The following FBXO34 variants were observed in gnomAD, a reference collection of about 807,000 sequenced individuals.
FBXO34 encodes the protein F-box only protein 34.
Under a neutral mutation model 24.5 loss-of-function variants are expected in FBXO34, and 12 were observed. That is an observed-to-expected ratio of 0.49 (90% CI 0.31 to 0.79). FBXO34 has a LOEUF of 0.79. FBXO34 is among the 30% of genes least tolerant of loss of function. FBXO34 has a pLI of 0.04. For missense variants in FBXO34, 823 were observed against 857.7 expected (o/e 0.96, Z 0.51); for synonymous variants, 320 against 311.9 (o/e 1.03, Z -0.27).
the FBXO34 span, among the ~76,000 whole-genome samples, chr14:55,417,341 G>A: frequency 6.7e-6 from 1 of 149,540 alleles, no homozygotes; most frequent in African/African-American, 2.5e-5. Context: ...CTAAAATATT[G>A]CCATCAAAAG....
chr14:55,390,105 T>C, the FBXO34 span, among the ~76,000 whole-genome samples: 40 of 152,280 alleles, frequency 2.6e-4, no homozygotes, highest in Middle Eastern at 3.4e-3. Context: ...AGTTTTGCTC[T>C]TGTTGCCTAG....
intron 1 of FBXO34, among the ~76,000 whole-genome samples, chr14:55,278,407 A>G (rs1687440821): frequency 6.6e-6 from 1 of 152,160 alleles, no homozygotes; most frequent in African/African-American, 2.4e-5. Flanking sequence ...ATGCAGATGT[A>G]ACAGAAAACC....
chr14:55,290,652 A>G (rs538841743), intron 1 of FBXO34, among the ~76,000 whole-genome samples: 42 of 152,154 alleles, frequency 2.8e-4, no homozygotes, highest in African/African-American at 1.0e-3. Context: ...TTACCCTTTT[A>G]AAGGAAGGTT....
the FBXO34 span, among the ~76,000 whole-genome samples, chr14:55,376,429 T>G: frequency 6.6e-6 from 1 of 152,186 alleles, no homozygotes. Flanking sequence ...CATGAACCAA[T>G]GAATGGGATC....
the FBXO34 span, chr14:55,437,082 G>C: frequency 1.4e-6 from 2 of 1,435,556 alleles, no homozygotes; most frequent in Non-Finnish European, 2.0e-6. Flanking sequence ...TACACAAAAG[G>C]GATGTCACTA....
intron 1 of FBXO34, among the ~76,000 whole-genome samples, chr14:55,307,993 T>G (rs1179407073): frequency 6.6e-6 from 1 of 152,204 alleles, no homozygotes; most frequent in Non-Finnish European, 1.5e-5. Flanking sequence ...GAGGGCAGGT[T>G]TCTCCCATAC....
chr14:55,441,816 C>A, the FBXO34 span, among the ~76,000 whole-genome samples: 1 of 152,088 alleles, frequency 6.6e-6, no homozygotes, highest in African/African-American at 2.4e-5. Context: ...GTCACCCAGG[C>A]TGGAGTGCAG....
At chr14:55,370,998 C>G (rs1884804415), downstream of FBXO34, among the ~76,000 whole-genome samples, 1 of 152,114 alleles carries the variant, frequency 6.6e-6, no homozygotes, top group Admixed American at 6.6e-5. Flanking sequence ...TGCTCCAGGG[C>G]AGCCAGGCTG....
Position 55,350,605 on chromosome 14 carries a change from G to T in FBXO34, c.215G>T (p.Ser72Ile). The change falls in exon 2 of 2, where the codon AGT becomes ATT. Residue 72 changes from serine (S) to isoleucine (I), a missense_variant. Physicochemically the swap from Ser to Ile is moderately radical, Grantham distance 142 (BLOSUM62 -2). Around this residue, in one of 2 missense-constraint regions of FBXO34, gnomAD observed 693 missense variants for 659.1 expected, o/e 1.05. Transcript: ENST00000313833. ...ATCCTTTCTCCAAATGTTCTGTGCAGTATGAGTGGGAAGAGTCCTGTAGAG... is the reference window on the plus strand; with the variant it reads ...ATCCTTTCTCCAAATGTTCTGTGCATTATGAGTGGGAAGAGTCCTGTAGAG... ...FGILSPNVLCSMSGKSPVESS... is the reference protein window; with the variant it reads ...FGILSPNVLCIMSGKSPVESS... 6.2e-7 allele frequency: 1 copy of T among 1,612,874 alleles called. No individual in the cohort carries two copies.
At chr14:55,298,670 C>A in intron 1 of FBXO34, 1 of 1,539,208 alleles carries the variant, frequency 6.5e-7, no homozygotes, top group Non-Finnish European at 8.9e-7. Context: ...GGGGTAAGGC[C>A]GGCAAGGGCG....
chr14:55,277,928 T>C (rs1267106773), intron 1 of FBXO34, among the ~76,000 whole-genome samples: 2 of 152,218 alleles, frequency 1.3e-5, no homozygotes, highest in Non-Finnish European at 2.9e-5. Flanking sequence ...GAGAGAAAGA[T>C]ATGTAAACTT....
At chr14:55,380,741 T>A in the FBXO34 span, 3 of 1,239,920 alleles carry the variant, frequency 2.4e-6, no homozygotes, top group South Asian at 3.9e-5. Context: ...CCAACAAAAC[T>A]ACTAATAATC....
At chr14:55,380,617 C>A in the FBXO34 span, 1 of 1,613,214 alleles carries the variant, frequency 6.2e-7, no homozygotes, top group Non-Finnish European at 8.5e-7. Context: ...GTATATGAGA[C>A]AGAATGTTGA....
chr14:55,344,583 A>G (rs1352736513), intron 1 of FBXO34, among the ~76,000 whole-genome samples: 2 of 148,118 alleles, frequency 1.4e-5, no homozygotes, highest in African/African-American at 2.5e-5. Flanking sequence ...TCTGGGATAC[A>G]TGTGCAGAAT....
At chr14:55,417,659 G>A in the FBXO34 span, among the ~76,000 whole-genome samples, 6 of 152,132 alleles carry the variant, frequency 3.9e-5, no homozygotes, top group South Asian at 1.0e-3. Context: ...TGGGGGTCTC[G>A]CTATGTTGCC....
At chr14:55,399,516 A>G in the FBXO34 span, among the ~76,000 whole-genome samples, 4 of 152,212 alleles carry the variant, frequency 2.6e-5, no homozygotes, top group East Asian at 1.9e-4. Flanking sequence ...GGCATTTACT[A>G]TGTACCTGCA....
chr14:55,349,036 A>G (rs1884252823), intron 1 of FBXO34, among the ~76,000 whole-genome samples: 1 of 152,136 alleles, frequency 6.6e-6, no homozygotes, highest in South Asian at 2.1e-4. Flanking sequence ...CACTCCCACC[A>G]AACTGGGACT....
chr14:55,323,590 C>G (rs1170198571), intron 1 of FBXO34, among the ~76,000 whole-genome samples: 2 of 151,874 alleles, frequency 1.3e-5, no homozygotes, highest in African/African-American at 4.8e-5. Context: ...ACTATGTTGG[C>G]CAGGATGGTC....
At chr14:55,384,918 T>C in the FBXO34 span, among the ~76,000 whole-genome samples, 1 of 152,120 alleles carries the variant, frequency 6.6e-6, no homozygotes, top group Admixed American at 6.5e-5. Flanking sequence ...GACTGGGAGG[T>C]TGGAGGGGTG....
Sources: allele counts gnomAD v4.1 joint callset (sites outside exome capture counted in the v4.1 genomes callset), GRCh38; gene constraint gnomAD v4.1.1; regional missense constraint gnomAD v4.1.1; transcripts MANE v1.5; gene names NCBI Gene and HGNC (gene_info 2026-07-23, HGNC 2026-07-21).